Variants in PZP observed in about 807,000 individuals in gnomAD.
PZP encodes PZP alpha-2-macroglobulin like.
A neutral mutation model predicts 179.8 loss-of-function variants in PZP; 150 were observed. That is an observed-to-expected ratio of 0.83 (90% confidence interval 0.73 to 0.96). PZP has a LOEUF of 0.96. PZP is among the 40% of genes least tolerant of loss of function. PZP has a pLI of 0.00. For synonymous variants in PZP, 624 were observed against 652.3 expected, an observed-to-expected ratio of 0.96 and a Z score of 0.66; for missense variants, 1,689 against 1,764.0, an observed-to-expected ratio of 0.96 and a Z score of 0.76.
intron 1 of PZP, among the ~76,000 whole-genome samples, chr12:9,207,140 C>CT (rs1312725220): frequency 1.3e-5 from 2 of 152,186 alleles, no homozygotes; most frequent in Non-Finnish European, 2.9e-5. Flanking sequence ...CTGAAGAAGG[C>CT]TATTTGTGTT....
chr12:9,167,918 A>AAGAC (rs962235326), intron 17 of PZP, among the ~76,000 whole-genome samples: 3 of 152,126 alleles, frequency 2.0e-5, no homozygotes, highest in African/African-American at 7.2e-5. Context: ...TCTCAGTTAC[A>AAGAC]AGACAAAATC....
chr12:9,196,687 T>A lies in PZP; in HGVS notation c.868-2A>T, dbSNP rs201399213. ...GGTGATGCAGCCATTGCTGTTAAGCTGAGAAAAATACCAAAACCAATAAAT... is the reference window on the plus strand; with the variant it reads ...GGTGATGCAGCCATTGCTGTTAAGCAGAGAAAAATACCAAAACCAATAAAT... On this transcript the variant is annotated splice_acceptor_variant, in intron 8 of 35. Transcript: ENST00000261336. LOFTEE classifies it high-confidence loss of function. The A allele has an allele frequency of 6.3e-7, 1 of 1,590,570 alleles. No homozygotes were observed. Among genetic ancestry groups the A allele is most frequent in the Admixed American group, 1.7e-5 (1 of 59,976 alleles).
At chr12:9,148,826 G>A (rs190743654), downstream of PZP, 66 of 646,940 alleles carry the variant, frequency 1.0e-4, no homozygotes, top group African/African-American at 1.1e-3. Flanking sequence ...ATGAATGAAT[G>A]ATGCAACAAG....
At chr12:9,142,997 A>C in the PZP span, among the ~76,000 whole-genome samples, 1 of 152,190 alleles carries the variant, frequency 6.6e-6, no homozygotes, top group Non-Finnish European at 1.5e-5. Flanking sequence ...CTGGGAAAAA[A>C]CCTTTTCCAG....
chr12:9,163,324 G>A (rs1941351073), intron 21 of PZP, among the ~76,000 whole-genome samples: 1 of 150,866 alleles, frequency 6.6e-6, no homozygotes, highest in African/African-American at 2.4e-5. Context: ...AATTAGCCAG[G>A]CGCCTGTAGT....
downstream of PZP, among the ~76,000 whole-genome samples, chr12:9,146,068 T>C (rs111738464): frequency 5.9e-5 from 9 of 152,318 alleles, no homozygotes; most frequent in African/African-American, 2.2e-4. Flanking sequence ...ATTTCCTTTT[T>C]CAGGTTGAGA....
In PZP at chr12:9,152,967, GAC is replaced by G; in HGVS notation, c.3994-18_3994-17del. The G allele has an allele frequency of 1.2e-6, 2 of 1,613,980 alleles. No individual in the cohort carries two copies. Among genetic ancestry groups the G allele is most frequent in the Non-Finnish European group, 8.5e-7 (1 of 1,179,978 alleles). On this transcript the variant is annotated splice_polypyrimidine_tract_variant and intron_variant, in intron 30 of 35. Coordinates refer to ENST00000261336, the MANE Select transcript of PZP (RefSeq NM_002864.3). ...TCATGGATGTCTGTGAAACAGCAAA[GAC>G]ACTATCAGTTTCTCTCTTTTTCTGG...
chr12:9,149,632 A>G, intron 34 of PZP, 30 bp from the exon 35 acceptor site: 1 of 1,608,232 alleles, frequency 6.2e-7, no homozygotes, highest in Non-Finnish European at 8.5e-7. Context: ...GAAGGAAGAA[A>G]CGAAAGATCT....
chr12:9,147,747 A>G (rs1940085095), downstream of PZP, among the ~76,000 whole-genome samples: 1 of 152,080 alleles, frequency 6.6e-6, no homozygotes, highest in Non-Finnish European at 1.5e-5. Context: ...ATATCCACCC[A>G]CCATTCTTCT....
intron 18 of PZP, among the ~76,000 whole-genome samples, 188 bp downstream of exon 18, chr12:9,165,864 T>C (rs1941545415): frequency 6.6e-6 from 1 of 152,242 alleles, no homozygotes; most frequent in Non-Finnish European, 1.5e-5. Context: ...TATTTTAGAA[T>C]TGCTCAGCAC....
rs1280736382 is a variant in PZP, at chr12:9,157,169, T to C, written c.3550+6A>G. 6.2e-7 allele frequency: 1 copy of C among 1,611,910 alleles called. No homozygotes were observed. The highest frequency in any genetic ancestry group is 1.7e-5 in the Admixed American group (1 of 59,964). On this transcript the variant is annotated splice_donor_region_variant and intron_variant, in intron 28 of 35. Coordinates refer to ENST00000261336, the MANE Select transcript of PZP (RefSeq NM_002864.3). ...TTGTTCAGCTCCCACTTATAAGTGC[T>C]CTCACCTTCTTTCACAGCTTCCTTA...
intron 25 of PZP, among the ~76,000 whole-genome samples, chr12:9,159,266 A>G (rs1316411792): frequency 1.3e-5 from 2 of 152,156 alleles, no homozygotes; most frequent in Non-Finnish European, 2.9e-5. Flanking sequence ...AAAAAAATCA[A>G]CCTAAAAGTG....
intron 1 of PZP, among the ~76,000 whole-genome samples, chr12:9,205,016 T>A (rs748215480): frequency 5.2e-4 from 79 of 152,206 alleles, no homozygotes; most frequent in Non-Finnish European, 6.9e-4. Flanking sequence ...AAGGATCACT[T>A]AAGCCCACGA....
intron 29 of PZP, among the ~76,000 whole-genome samples, chr12:9,153,739 T>G (rs1940538070): frequency 6.6e-6 from 1 of 152,206 alleles, no homozygotes; most frequent in Non-Finnish European, 1.5e-5. Context: ...TGCACTTTCT[T>G]GAGTTTCTTT....
Position 9,165,349 on chromosome 12 carries a change from C to T in PZP, c.2277G>A (p.Glu759=). Residue 759 remains glutamate, a synonymous_variant, in exon 19 of 36, where the codon GAG becomes GAA. Transcript: ENST00000261336. ...TGGTGTCAGGGACTGTTACTCCTACCTCAGCCACACCTGATGAGCTGGGGA... is the reference window on the plus strand; with the variant it reads ...TGGTGTCAGGGACTGTTACTCCTACTTCAGCCACACCTGATGAGCTGGGGA... ...LVAVNSSGVA[E]VGVTVPDTIT... is the part of the protein sequence containing the mutation. 6.2e-7 allele frequency: 1 copy of T among 1,614,082 alleles called. No individual in the cohort carries two copies. Among genetic ancestry groups the T allele is most frequent in the Non-Finnish European group, 8.5e-7 (1 of 1,179,930 alleles).
At position 9,181,135 on chromosome 12, in the gene PZP, G is replaced by A. The variant is rs769576691; in HGVS notation, c.1690-3C>T. On this transcript the variant is annotated splice_region_variant and splice_polypyrimidine_tract_variant and intron_variant, in intron 14 of 35. Coordinates refer to ENST00000261336, the MANE Select transcript of PZP (RefSeq NM_002864.3). ...GCTGGGCTGAAGCTCAAATCCACCT[G>A]TGGGAAATGAAGGAAACGTCAACCA... 4 of 1,614,012 alleles carry A rather than the reference G, an allele frequency of 2.5e-6. No individual in the cohort carries two copies. Among genetic ancestry groups the A allele is most frequent in the Non-Finnish European group, 3.4e-6 (4 of 1,179,946 alleles).
chr12:9,196,242 C>T (rs2121151004), intron 10 of PZP, 88 bp downstream of exon 10: 3 of 853,790 alleles, frequency 3.5e-6, no homozygotes, highest in Non-Finnish European at 5.6e-6. Flanking sequence ...TAACTGATAA[C>T]ACTAACCAAG....
Position 9,197,058 on chromosome 12 carries a change from A to G in PZP, c.821T>C (p.Val274Ala). Residue 274 changes from valine (V) to alanine (A), a missense_variant, in exon 8 of 36, where the codon GTT (valine) becomes GCT (alanine). Physicochemically the swap from Val to Ala is moderately conservative, Grantham distance 64. Around this residue, in one of 3 missense-constraint regions of PZP, gnomAD observed 742 missense variants for 730.5 expected, o/e 1.02. Transcript: ENST00000261336. ...TVSLCRKLSR[V>A]LNCDKQEVCE... ...GACCTCCTGCTTGTCACAATTAAGA[A>G]CACGAGATAATTTTCTACACAGGCT... The G allele has an allele frequency of 6.2e-7, 1 of 1,613,650 alleles. No individual in the cohort carries two copies.
intron 15 of PZP, among the ~76,000 whole-genome samples, chr12:9,171,053 G>A (rs1291414073): frequency 1.3e-5 from 2 of 152,174 alleles, no homozygotes; most frequent in African/African-American, 4.8e-5. Flanking sequence ...GACTGGGCGA[G>A]ACCTCCCAAT....
Sources: allele counts gnomAD v4.1 joint callset (sites outside exome capture counted in the v4.1 genomes callset), GRCh38; gene constraint gnomAD v4.1.1; regional missense constraint gnomAD v4.1.1; transcripts MANE v1.5; gene names NCBI Gene and HGNC (gene_info 2026-07-23, HGNC 2026-07-21).